The following KANK1 variants were observed in gnomAD, a reference collection of about 807,000 sequenced individuals.
The protein encoded by KANK1 is KN motif and ankyrin repeat domain-containing protein 1.
In KANK1, 109 loss-of-function variants were observed where a neutral mutation model predicts 106.2. The observed-to-expected ratio is 1.03, with a 90% CI of 0.88 to 1.20. KANK1 has a LOEUF of 1.20. Among genes scored for constraint, KANK1 ranks in the 50% most tolerant of loss-of-function variants. The pLI, the probability that KANK1 is intolerant of heterozygous loss-of-function variation, is 0.00. For missense variants in KANK1, 2,399 were observed against 1,710.7 expected, an observed-to-expected ratio of 1.40 and a Z score of -7.10; for synonymous variants, 873 against 652.2, an observed-to-expected ratio of 1.34 and a Z score of -5.16.
At chr9:628,607 G>C (rs113544742) in intron 1 of KANK1, among the ~76,000 whole-genome samples, 204 of 152,278 alleles carry the variant, frequency 1.3e-3, no homozygotes, top group African/African-American at 4.6e-3. Flanking sequence ...GGTGAGTTCA[G>C]AATGCAAATG....
intron 3 of KANK1, among the ~76,000 whole-genome samples, chr9:481,316 A>G (rs944137814): frequency 2.0e-5 from 3 of 152,168 alleles, no homozygotes; most frequent in African/African-American, 7.2e-5. Context: ...CCAAAAACAA[A>G]AATAGACTGG....
At chr9:660,577 G>A (rs1030415680) in intron 1 of KANK1, among the ~76,000 whole-genome samples, 3 of 152,272 alleles carry the variant, frequency 2.0e-5, no homozygotes, top group Non-Finnish European at 4.4e-5. Flanking sequence ...CTGAAACAAA[G>A]CAATACTGTC....
At chr9:739,976 G>A (rs1834963212) in intron 8 of KANK1, among the ~76,000 whole-genome samples, 1 of 152,096 alleles carries the variant, frequency 6.6e-6, no homozygotes, top group African/African-American at 2.4e-5. Flanking sequence ...CCTTAGTATG[G>A]AGTTGTTTGG....
chr9:684,165 A>C (rs1260266882), intron 2 of KANK1: 2 of 985,280 alleles, frequency 2.0e-6, no homozygotes, highest in Non-Finnish European at 2.4e-6. Context: ...GCTTCGCCTT[A>C]TAAGCTTTCT....
At chr9:481,651 T>C (rs1301144798) in intron 3 of KANK1, among the ~76,000 whole-genome samples, 1 of 152,114 alleles carries the variant, frequency 6.6e-6, no homozygotes, top group African/African-American at 2.4e-5. Flanking sequence ...AACTTTGATC[T>C]AGATGGGTTC....
intron 3 of KANK1, among the ~76,000 whole-genome samples, chr9:479,410 T>C (rs2058164606): frequency 6.6e-6 from 1 of 152,186 alleles, no homozygotes; most frequent in African/African-American, 2.4e-5. Context: ...CCAGAGTTCT[T>C]CACTGCTCAT....
chr9:480,237 A>G (rs2058180497), intron 3 of KANK1, among the ~76,000 whole-genome samples: 1 of 152,190 alleles, frequency 6.6e-6, no homozygotes, highest in Admixed American at 6.5e-5. Context: ...TCAAATTGCA[A>G]CCTTCTGGGA....
At chr9:689,206 G>A (rs1278195444) in intron 2 of KANK1, among the ~76,000 whole-genome samples, 1 of 152,210 alleles carries the variant, frequency 6.6e-6, no homozygotes, top group African/African-American at 2.4e-5. Flanking sequence ...TCCAGACTGT[G>A]AAGAAAGCCT....
intron 3 of KANK1, among the ~76,000 whole-genome samples, chr9:486,426 G>A (rs908492605): frequency 2.6e-5 from 4 of 152,132 alleles, no homozygotes; most frequent in Admixed American, 2.0e-4. Flanking sequence ...AGTACGTACT[G>A]TATAAATATT....
Position 738,388 on chromosome 9 carries a change from T to G in KANK1, c.3437T>G (p.Ile1146Ser). The G allele has an allele frequency of 1.2e-6, 2 of 1,614,138 alleles. No homozygotes were observed. Among genetic ancestry groups the G allele is most frequent in the Non-Finnish European group, 1.7e-6 (2 of 1,180,006 alleles). The change falls in exon 8 of 12, where the codon ATT (isoleucine) becomes AGT (serine). Residue 1146 changes from isoleucine to serine, a missense_variant. Physicochemically the swap from Ile to Ser is moderately radical, Grantham distance 142. Coordinates refer to ENST00000382297, the MANE Select transcript of KANK1 (RefSeq NM_015158.5). ...VGDYIAAFEA[I>S]SPDVLRYVIN... ...GACTACATAGCTGCTTTTGAGGCCA[T>G]TTCCCCAGATGTCCTCCGCTATGTC...
chr9:507,504 C>G (rs1200317187), intron 1 of KANK1, among the ~76,000 whole-genome samples: 1 of 152,028 alleles, frequency 6.6e-6, no homozygotes, highest in African/African-American at 2.4e-5. Flanking sequence ...ATTCTCCTGC[C>G]TCAGCCTCCC....
chr9:471,117 A>G (rs1318312672), intron 2 of KANK1, among the ~76,000 whole-genome samples: 1 of 152,218 alleles, frequency 6.6e-6, no homozygotes, highest in African/African-American at 2.4e-5. Context: ...GAAATTTGCC[A>G]CAGTTGTTAC....
intron 1 of KANK1, among the ~76,000 whole-genome samples, chr9:663,541 A>T (rs1001874340): frequency 2.6e-5 from 4 of 152,236 alleles, no homozygotes; most frequent in African/African-American, 9.6e-5. Flanking sequence ...AAGTTTAATC[A>T]TTCTGATTTT....
At chr9:664,867 C>G (rs1166595358) in intron 1 of KANK1, among the ~76,000 whole-genome samples, 2 of 152,152 alleles carry the variant, frequency 1.3e-5, no homozygotes, top group African/African-American at 2.4e-5. Flanking sequence ...AAAAGCTATT[C>G]TAATTGGGGT....
chr9:732,254 G>C (rs1832502568), intron 5 of KANK1, 124 bp from the exon 6 acceptor site: 2 of 1,174,546 alleles, frequency 1.7e-6, no homozygotes, highest in Admixed American at 2.3e-5. Flanking sequence ...GAACTTCTAA[G>C]TGCAGGATCT....
At position 666,119 on chromosome 9, in the gene KANK1, T is replaced by G. The variant is rs116881963; in HGVS notation, c.-83-10771T>G. Among the ~76,000 whole-genome samples the G allele has an allele frequency of 9.9e-3, 1,509 of 152,048 alleles. 7 individuals carry two copies. The highest frequency in any genetic ancestry group is 0.016 in the Non-Finnish European group (1,114 of 67,990). On this transcript the variant is annotated intron_variant, in intron 1 of 11. Transcript: ENST00000382297. ...TCGCTTGAGACCAAGAAATCAAGAC[T>G]GCAGTGCTCACTGCATTGGTGACAG... is the stretch of plus-strand genomic sequence containing the variant.
intron 2 of KANK1, among the ~76,000 whole-genome samples, chr9:708,286 A>G (rs974963864): frequency 1.3e-5 from 2 of 152,126 alleles, no homozygotes; most frequent in Non-Finnish European, 2.9e-5. Flanking sequence ...AGTACTGGAG[A>G]CAGGTCTGGC....
At chr9:681,145 G>C (rs1260597880) in intron 2 of KANK1, 1 of 152,490 alleles carries the variant, frequency 6.6e-6, no homozygotes, top group African/African-American at 2.4e-5. Flanking sequence ...CTTGAGCCCA[G>C]TAGTCTGAGG....
chr9:650,161 C>G (rs1840566357), intron 1 of KANK1, among the ~76,000 whole-genome samples: 1 of 152,196 alleles, frequency 6.6e-6, no homozygotes, highest in African/African-American at 2.4e-5. Context: ...TGCAGGGCAG[C>G]TTGCAAATTC....
Sources: allele counts gnomAD v4.1 joint callset (sites outside exome capture counted in the v4.1 genomes callset), GRCh38; gene constraint gnomAD v4.1.1; transcripts MANE v1.5; gene names NCBI Gene and HGNC (gene_info 2026-07-23, HGNC 2026-07-21).